The following SAMD3 variants were observed in gnomAD, a reference collection of about 807,000 sequenced individuals.
The protein encoded by SAMD3 is sterile alpha motif domain containing 3.
A neutral mutation model predicts 58.5 loss-of-function variants in SAMD3; 63 were observed. The ratio of observed to expected loss-of-function variants is 1.08; its 90% CI spans 0.88 to 1.33. The LOEUF is 1.33. Among genes scored for constraint, SAMD3 ranks in the 40% most tolerant of loss-of-function variants. The probability of loss-of-function intolerance (pLI) is 0.00; values close to 1 mark genes in which losing one functional copy is unlikely to be tolerated. For missense variants in SAMD3, 604 were observed against 608.4 expected (o/e 0.99, Z 0.08); for synonymous variants, 220 against 210.3 (o/e 1.05, Z -0.40).
intron 8 of SAMD3, among the ~76,000 whole-genome samples, chr6:130,169,516 C>T (rs979372632): frequency 9.2e-5 from 14 of 152,168 alleles, no homozygotes; most frequent in Admixed American, 4.6e-4. Context: ...AATGACCACC[C>T]TATCGTCTCT....
chr6:130,157,108 TAAA>T, intron 8 of SAMD3, among the ~76,000 whole-genome samples: 1 of 141,516 alleles, frequency 7.1e-6, no homozygotes, highest in Non-Finnish European at 1.5e-5. Flanking sequence ...AATAAATAAA[TAAA>T]TAAATAATAA....
intron 1 of SAMD3, among the ~76,000 whole-genome samples, chr6:130,350,931 A>C (rs1398389174): frequency 6.6e-6 from 1 of 152,202 alleles, no homozygotes; most frequent in Non-Finnish European, 1.5e-5. Context: ...GCATATCTAC[A>C]ACCATCTGAT....
At chr6:130,283,791 T>C (rs985994187) in intron 2 of SAMD3, among the ~76,000 whole-genome samples, 3 of 152,116 alleles carry the variant, frequency 2.0e-5, no homozygotes, top group Admixed American at 1.3e-4. Context: ...CTTCAAGTAA[T>C]GATGGTAAGC....
intron 2 of SAMD3, among the ~76,000 whole-genome samples, chr6:130,288,157 C>G (rs906855662): frequency 2.0e-5 from 3 of 152,042 alleles, no homozygotes; most frequent in African/African-American, 4.8e-5. Context: ...TAAATAGAAC[C>G]AGATATATCT....
rs149802750 is a variant in SAMD3 at position 130,169,907 on chromosome 6, G to A, written c.822+5934C>T. On this transcript the variant is annotated intron_variant, in intron 8 of 11. Coordinates refer to ENST00000439090, the MANE Select transcript of SAMD3 (RefSeq NM_001017373.4). ...CATTCATCAATTCCGTTGAATTTTGGTGGGAAATACCTCATAGAAAAAGAG... is the reference window on the plus strand; with the variant it reads ...CATTCATCAATTCCGTTGAATTTTGATGGGAAATACCTCATAGAAAAAGAG... 5.5e-3 allele frequency among the ~76,000 whole-genome samples: 832 copies of A among 152,258 alleles called. 9 individuals carry two copies. Among genetic ancestry groups the A allele is most frequent in the African/African-American group, 0.018 (736 of 41,538 alleles).
intron 1 of SAMD3, among the ~76,000 whole-genome samples, chr6:130,321,599 C>T (rs894193155): frequency 6.6e-6 from 1 of 152,200 alleles, no homozygotes; most frequent in African/African-American, 2.4e-5. Context: ...ATTCCCAGTA[C>T]TCATTGTCCT....
intron 5 of SAMD3, among the ~76,000 whole-genome samples, chr6:130,204,202 C>T (rs1794874012): frequency 6.6e-6 from 1 of 152,160 alleles, no homozygotes; most frequent in South Asian, 2.1e-4. Context: ...TAGGAAGCCT[C>T]TACCTGTTTA....
intron 2 of SAMD3, among the ~76,000 whole-genome samples, chr6:130,259,356 T>A (rs563242570): frequency 1.3e-5 from 2 of 152,146 alleles, no homozygotes; most frequent in Non-Finnish European, 2.9e-5. Context: ...TGTGCAGTGA[T>A]CACATGGTGA....
intron 2 of SAMD3, among the ~76,000 whole-genome samples, chr6:130,243,997 C>T (rs934479921): frequency 4.6e-5 from 7 of 152,146 alleles, no homozygotes; most frequent in African/African-American, 1.7e-4. Flanking sequence ...ATTAAATTCT[C>T]ATTAGATAAA....
intron 1 of SAMD3, among the ~76,000 whole-genome samples, chr6:130,343,490 T>C (rs1372620366): frequency 6.6e-6 from 1 of 152,202 alleles, no homozygotes; most frequent in Non-Finnish European, 1.5e-5. Flanking sequence ...TCAAAGATTG[T>C]CCACATATTC....
At chr6:130,242,177 C>G (rs1173921821) in intron 2 of SAMD3, among the ~76,000 whole-genome samples, 2 of 152,172 alleles carry the variant, frequency 1.3e-5, no homozygotes, top group African/African-American at 4.8e-5. Flanking sequence ...GTATCTAAAG[C>G]CTATCAAGGG....
intron 9 of SAMD3, 25 bp from the exon 10 acceptor site, chr6:130,146,206 T>TA: frequency 6.8e-7 from 1 of 1,481,116 alleles, no homozygotes; most frequent in Non-Finnish European, 9.1e-7. Flanking sequence ...AAGCAATGGA[T>TA]ACATCAGATC....
At chr6:130,301,297 T>C (rs1775738695) in intron 2 of SAMD3, among the ~76,000 whole-genome samples, 1 of 152,114 alleles carries the variant, frequency 6.6e-6, no homozygotes, top group African/African-American at 2.4e-5. Flanking sequence ...ATGTTCAAGC[T>C]GAAAACCAAA....
At chr6:130,334,549 A>G (rs1218437162) in intron 1 of SAMD3, among the ~76,000 whole-genome samples, 2 of 152,228 alleles carry the variant, frequency 1.3e-5, no homozygotes, top group Non-Finnish European at 2.9e-5. Context: ...TGATTCTGCT[A>G]CTTGTTAAGG....
intron 5 of SAMD3, among the ~76,000 whole-genome samples, chr6:130,194,458 T>A (rs1345582064): frequency 6.6e-6 from 1 of 152,214 alleles, no homozygotes; most frequent in African/African-American, 2.4e-5. Flanking sequence ...TTAATTAACC[T>A]CACCTTCAAG....
intron 2 of SAMD3, among the ~76,000 whole-genome samples, chr6:130,298,764 T>C (rs1775652351): frequency 6.6e-6 from 1 of 151,842 alleles, no homozygotes; most frequent in Non-Finnish European, 1.5e-5. Context: ...ATTCATAGGC[T>C]CAAAATAAAG....
chr6:130,297,742 G>A lies in SAMD3; in HGVS notation c.-188+15236C>T, dbSNP rs531612588. Among the ~76,000 whole-genome samples, 130 of 152,176 alleles carry A rather than the reference G, an allele frequency of 8.5e-4. 5 individuals carry two copies. The South Asian group carries it at 0.026, about 31-fold the overall frequency. On this transcript the variant is annotated intron_variant, in intron 2 of 13. Coordinates refer to the SAMD3 transcript ENST00000368134. ...CCCTAAAGGATTTAAAAATACAGTT[G>A]GAATCTTTAACAATAGGCTAGGCAA...
intron 2 of SAMD3, among the ~76,000 whole-genome samples, chr6:130,288,297 G>A (rs115217188): frequency 0.021 from 3,138 of 152,284 alleles, 97 homozygotes; most frequent in African/African-American, 0.071. Flanking sequence ...TTTGGCAGGA[G>A]TCAATGTTGC....
upstream of SAMD3, among the ~76,000 whole-genome samples, chr6:130,227,150 T>A (rs985876439): frequency 2.6e-5 from 4 of 152,200 alleles, no homozygotes; most frequent in Admixed American, 6.5e-5. Flanking sequence ...TAGTCCCTGA[T>A]GACCATTATT....
Sources: allele counts gnomAD v4.1 joint callset (sites outside exome capture counted in the v4.1 genomes callset), GRCh38; gene constraint gnomAD v4.1.1; transcripts MANE v1.5; gene names NCBI Gene and HGNC (gene_info 2026-07-23, HGNC 2026-07-21).